The following TNNT3 variants were observed in gnomAD, a reference collection of about 807,000 sequenced individuals.
TNNT3 encodes the protein troponin T, fast skeletal muscle.
In TNNT3, 36 loss-of-function variants were observed where a neutral mutation model predicts 54.2. That is an observed-to-expected ratio of 0.66 (90% CI 0.51 to 0.88). The LOEUF (loss-of-function observed/expected upper bound fraction) is 0.88, where lower values mean the gene tolerates loss of function less well. Among genes scored for constraint, TNNT3 ranks in the 40% least tolerant of loss-of-function variants. The probability of loss-of-function intolerance (pLI) is 0.00; values close to 1 mark genes in which losing one functional copy is unlikely to be tolerated. For synonymous variants in TNNT3, 120 were observed against 109.7 expected, an observed-to-expected ratio of 1.09 and a Z score of -0.59; for missense variants, 291 against 331.6, an observed-to-expected ratio of 0.88 and a Z score of 0.95.
intron 7 of TNNT3, 85 bp from the exon 8 acceptor site, chr11:1,929,725 C>A: frequency 6.7e-7 from 1 of 1,488,518 alleles, no homozygotes; most frequent in Non-Finnish European, 9.2e-7. Flanking sequence ...CCCAGGGCCG[C>A]AGGCCGCCCA....
At chr11:1,936,165 C>A (rs375051352) in intron 14 of TNNT3, 90 of 1,611,144 alleles carry the variant, frequency 5.6e-5, no homozygotes, top group Non-Finnish European at 7.6e-5. Flanking sequence ...AGCCGGGCCT[C>A]GATGCCCCAG....
intron 2 of TNNT3, 63 bp from the exon 3 acceptor site, chr11:1,922,985 C>T (rs1165680806): frequency 1.9e-6 from 3 of 1,613,290 alleles, no homozygotes; most frequent in African/African-American, 1.3e-5. Context: ...TTGCACAAGT[C>T]CAAGCAAAGC....
chr11:1,929,376 G>A (rs1156449081), intron 7 of TNNT3, among the ~76,000 whole-genome samples: 2 of 152,218 alleles, frequency 1.3e-5, no homozygotes, highest in African/African-American at 2.4e-5. Flanking sequence ...GCCACACAGC[G>A]GAGGGGGAGT....
At position 1,929,358 on chromosome 11, in the gene TNNT3, A is replaced by G. The variant is rs2089912; in HGVS notation, c.106+215A>G. Among the ~76,000 whole-genome samples the G allele has an allele frequency of 0.82, 124,732 of 151,864 alleles. 51,303 individuals carry two copies. The highest frequency in any genetic ancestry group is 0.92 in the East Asian group (4,749 of 5,140). On this transcript the variant is annotated intron_variant, in intron 7 of 15. Coordinates refer to ENST00000278317, the MANE Select transcript of TNNT3 (RefSeq NM_006757.4). Reference sequence around the variant, plus strand: ...AGGGCCTCGCGGGTGCCACCGCTCCAAGTTTCTGCCACACAGCGGAGGGGG... The same window carrying G: ...AGGGCCTCGCGGGTGCCACCGCTCCGAGTTTCTGCCACACAGCGGAGGGGG...
chr11:1,934,001 G>C lies in TNNT3; in HGVS notation c.359G>C (p.Arg120Thr). The change falls in exon 11 of 16, where the codon AGA becomes ACA. Residue 120 changes from arginine (R) to threonine (T), a missense_variant. By Grantham distance (71) the Arg-to-Thr change is moderately conservative. Coordinates refer to ENST00000278317, the MANE Select transcript of TNNT3 (RefSeq NM_006757.4). ...RAEKERERQN[R>T]LAEEKARREE... is the part of the protein sequence containing the mutation. ...GAGAAGGAGAGGGAGCGCCAGAACA[G>C]ACTGGCGGTGAGGGCACCATCCGCA... The C allele has an allele frequency of 6.2e-7, 1 of 1,611,928 alleles. No individual in the cohort carries two copies. Among genetic ancestry groups the C allele is most frequent in the Non-Finnish European group, 8.5e-7 (1 of 1,179,674 alleles).
At chr11:1,931,527 G>T (rs1589964899) in intron 8 of TNNT3, among the ~76,000 whole-genome samples, 1 of 152,220 alleles carries the variant, frequency 6.6e-6, no homozygotes, top group South Asian at 2.1e-4. Flanking sequence ...ACAGTCACTC[G>T]GGGCCAGCGT....
chr11:1,930,129 G>A (rs543405379), intron 8 of TNNT3, among the ~76,000 whole-genome samples: 31 of 152,252 alleles, frequency 2.0e-4, no homozygotes, highest in African/African-American at 7.2e-4. Flanking sequence ...TTTGCCCAGG[G>A]TCATCCAGTG....
At chr11:1,925,869 G>A (rs1851436830) in intron 5 of TNNT3, among the ~76,000 whole-genome samples, 1 of 152,208 alleles carries the variant, frequency 6.6e-6, no homozygotes, top group African/African-American at 2.4e-5. Flanking sequence ...AGATCAGCAG[G>A]CAGAGCCATC....
At chr11:1,922,583 C>T (rs990213756) in intron 1 of TNNT3, among the ~76,000 whole-genome samples, 4 of 152,142 alleles carry the variant, frequency 2.6e-5, no homozygotes, top group Non-Finnish European at 5.9e-5. Context: ...CTTCCAACAT[C>T]CCTTCCAGCT....
At chr11:1,926,429 C>A in intron 5 of TNNT3, 1 of 1,613,076 alleles carries the variant, frequency 6.2e-7, no homozygotes. Flanking sequence ...CTCTGACCCG[C>A]GGTTTTGCCT....
intron 15 of TNNT3, chr11:1,938,204 A>G: frequency 1.7e-6 from 1 of 581,996 alleles, no homozygotes; most frequent in Non-Finnish European, 3.1e-6. Flanking sequence ...GGACAGAGGG[A>G]GGGTGCCCCG....
chr11:1,931,652 G>A (rs1853388759), intron 8 of TNNT3, among the ~76,000 whole-genome samples: 1 of 151,696 alleles, frequency 6.6e-6, no homozygotes, highest in Non-Finnish European at 1.5e-5. Flanking sequence ...GTTTGCATAA[G>A]GATATAAGTC....
Position 1,923,206 on chromosome 11 carries a change from G to A in TNNT3, c.31+145G>A, listed in dbSNP as rs970557078. On this transcript the variant is annotated intron_variant, in intron 3 of 15. Transcript: ENST00000278317. ...CATGGGTGGCTTCTGAGTGACCCCC[G>A]GAAAACAGCTGTCCAAGTGGGGGGC... 5.5e-5 allele frequency: 66 copies of A among 1,189,966 alleles called. 1 individual carries two copies. In the East Asian group the frequency reaches 9.6e-4, roughly 17 times the overall value. The allele number at this position is 1,189,966 out of a possible 1,614,324, so 73.7% of individuals were successfully genotyped here.
intron 3 of TNNT3, 26 bp from the exon 4 acceptor site, chr11:1,923,529 C>A (rs201230428): frequency 3.1e-6 from 5 of 1,613,898 alleles, no homozygotes; most frequent in Non-Finnish European, 4.2e-6. Context: ...TAACGTGGTT[C>A]CCCTCTTTGT....
intron 14 of TNNT3, among the ~76,000 whole-genome samples, chr11:1,935,763 C>T (rs543828587): frequency 1.5e-4 from 23 of 152,140 alleles, no homozygotes; most frequent in Non-Finnish European, 2.5e-4. Context: ...GCTGTGCCCA[C>T]GGGGCTTGTG....
At chr11:1,920,118 G>A (rs1439528425) in intron 1 of TNNT3, among the ~76,000 whole-genome samples, 1 of 152,180 alleles carries the variant, frequency 6.6e-6, no homozygotes, top group East Asian at 1.9e-4. Context: ...CGGCAGGGAA[G>A]AGGCTGTGCA....
intron 6 of TNNT3, 32 bp downstream of exon 6, chr11:1,926,741 A>G (rs1180429029): frequency 6.2e-7 from 1 of 1,613,012 alleles, no homozygotes; most frequent in Non-Finnish European, 8.5e-7. Flanking sequence ...TCCAGGCCAG[A>G]GTCTCCGTCC....
intron 14 of TNNT3, 48 bp downstream of exon 14, chr11:1,934,967 C>T (rs763468036): frequency 6.4e-7 from 1 of 1,568,696 alleles, no homozygotes; most frequent in Admixed American, 1.7e-5. Flanking sequence ...CTTTCACCCA[C>T]CAGCAGAGCA....
At chr11:1,935,537 C>G in intron 14 of TNNT3, 1 of 173,406 alleles carries the variant, frequency 5.8e-6, no homozygotes, top group South Asian at 1.4e-4. Context: ...GCAGCCTGCC[C>G]GGGCGGCCTC....
Sources: gnomAD v4.1 joint callset for allele counts (sites outside exome capture counted in the v4.1 genomes callset) on GRCh38, gnomAD v4.1.1 for gene constraint, MANE v1.5 for transcripts, NCBI Gene and HGNC (gene_info 2026-07-23, HGNC 2026-07-21) for gene names.